The following ADGRE1 variants were observed in gnomAD, a reference collection of about 807,000 sequenced individuals.
The protein encoded by ADGRE1 is EGF-like module receptor 1.
Under a neutral mutation model 102.7 loss-of-function variants are expected in ADGRE1, and 82 were observed. The observed-to-expected ratio is 0.80, with a 90% CI of 0.67 to 0.96. The LOEUF is 0.96. ADGRE1 is among the 40% of genes least tolerant of loss of function. The probability of loss-of-function intolerance (pLI) is 0.00; values close to 1 mark genes in which losing one functional copy is unlikely to be tolerated. For missense variants in ADGRE1, 1,032 were observed against 1,085.3 expected, an observed-to-expected ratio of 0.95 and a Z score of 0.69; for synonymous variants, 398 against 399.6, an observed-to-expected ratio of 1.00 and a Z score of 0.05.
At chr19:6,938,606 C>T (rs1975536327) in intron 20 of ADGRE1, among the ~76,000 whole-genome samples, 1 of 150,918 alleles carries the variant, frequency 6.6e-6, no homozygotes, top group African/African-American at 2.4e-5. Flanking sequence ...GCTTAGTTTC[C>T]TCACTGATAA....
At chr19:6,913,615 G>T in intron 10 of ADGRE1, 38 bp from the exon 11 acceptor site, 1 of 1,520,014 alleles carries the variant, frequency 6.6e-7, no homozygotes, top group Middle Eastern at 1.8e-4. Flanking sequence ...ATTAATGAGA[G>T]AGAGAGAGAG....
At chr19:6,893,891 G>A (rs76508575) in intron 2 of ADGRE1, among the ~76,000 whole-genome samples, 2,373 of 152,270 alleles carry the variant, frequency 0.016, 68 homozygotes, top group African/African-American at 0.053. Context: ...GATGCTGTAC[G>A]GAAGAACTAT....
At chr19:6,906,395 G>A (rs911962263) in intron 8 of ADGRE1, 38 bp from the exon 9 acceptor site, 6 of 1,560,882 alleles carry the variant, frequency 3.8e-6, no homozygotes, top group Admixed American at 3.5e-5. Context: ...TTTTGCTGAG[G>A]TTGAAGTTTG....
chr19:6,912,303 G>A (rs1974236326), intron 10 of ADGRE1, among the ~76,000 whole-genome samples: 1 of 152,126 alleles, frequency 6.6e-6, no homozygotes, highest in Non-Finnish European at 1.5e-5. Flanking sequence ...GTTTAGGACA[G>A]TGATTAATGA....
At chr19:6,934,886 C>T (rs1975328402) in intron 17 of ADGRE1, 101 bp from the exon 18 acceptor site, 9 of 669,558 alleles carry the variant, frequency 1.3e-5, no homozygotes, top group Admixed American at 6.3e-5. Context: ...GGATTACAGA[C>T]GTGAGCCACC....
rs1370247802 is a variant in ADGRE1, at chr19:6,901,992, G to GT, written c.635dup (p.Gln213ProfsTer8). On this transcript the variant is annotated frameshift_variant, in exon 6 of 21. Coordinates refer to ENST00000312053, the MANE Select transcript of ADGRE1 (RefSeq NM_001974.5). LOFTEE classifies it high-confidence loss of function. ...TTTGAATCCAGCAGTGGCCACTTGAGTTTCCAGGGTCTCAAAGCATCGTGT... is the reference window on the plus strand; with the variant it reads ...TTTGAATCCAGCAGTGGCCACTTGAGTTTTCCAGGGTCTCAAAGCATCGTGT... 1 of 1,614,078 alleles carries GT rather than the reference G, an allele frequency of 6.2e-7. No homozygotes were observed. Among genetic ancestry groups the GT allele is most frequent in the Non-Finnish European group, 8.5e-7 (1 of 1,180,042 alleles).
chr19:6,916,110 A>G, intron 11 of ADGRE1, 139 bp from the exon 12 acceptor site: 1 of 883,786 alleles, frequency 1.1e-6, no homozygotes, highest in Non-Finnish European at 1.7e-6. Context: ...GGGCCTCAAG[A>G]TCTTTCCTAT....
rs1244821445 is a variant in ADGRE1, at chr19:6,940,324, A to G, written c.*295A>G. ...ATGGCATGACCAAGAACACCTGGCT[A>G]CCATTTTGTTTTCTCCTGCCCTTGT... is the stretch of plus-strand genomic sequence containing the variant. On this transcript the variant is annotated 3_prime_UTR_variant, in exon 21 of 21. Transcript: ENST00000312053. The G allele has an allele frequency of 7.8e-6, 4 of 513,746 alleles. No individual in the cohort carries two copies. Among genetic ancestry groups the G allele is most frequent in the Non-Finnish European group, 1.4e-5 (4 of 285,810 alleles). The allele number at this position is 513,746 out of a possible 1,614,324, so 31.8% of individuals were successfully genotyped here.
rs1312625464 is a variant in ADGRE1 at position 6,924,867 on chromosome 19, A to G, written c.1981A>G (p.Asn661Asp). The part of the protein sequence containing the change: ...LFLAGIHKTD[N>D]KMGCAIIAGF... ...CCTCGCCGGTATACACAAGACTGAC[A>G]ACAAGGTCTACATCGCTCGGGCTGT... Residue 661 changes from asparagine (N) to aspartate (D), a missense_variant, in exon 15 of 21, where the codon AAC (asparagine) becomes GAC (aspartate). Asn to Asp is a conservative substitution (Grantham distance 23). Coordinates refer to ENST00000312053, the MANE Select transcript of ADGRE1 (RefSeq NM_001974.5). 3.1e-6 allele frequency: 5 copies of G among 1,614,028 alleles called. No individual in the cohort carries two copies. Among genetic ancestry groups the G allele is most frequent in the Non-Finnish European group, 4.2e-6 (5 of 1,179,990 alleles).
intron 4 of ADGRE1, 45 bp downstream of exon 4, chr19:6,897,349 A>G (rs748544247): frequency 1.1e-5 from 18 of 1,611,702 alleles, no homozygotes; most frequent in Admixed American, 5.0e-5. Flanking sequence ...GTGGATATCT[A>G]TCAGTGGGGT....
At chr19:6,918,469 G>C (rs1251755867) in intron 12 of ADGRE1, among the ~76,000 whole-genome samples, 1 of 151,922 alleles carries the variant, frequency 6.6e-6, no homozygotes, top group African/African-American at 2.4e-5. Context: ...GAGAGGAATT[G>C]CTCAATTTAT....
In ADGRE1 at chr19:6,897,318, G is replaced by T. The variant is rs572263712; in HGVS notation, c.394+14G>T. 5.0e-6 allele frequency: 8 copies of T among 1,613,856 alleles called. No individual in the cohort carries two copies. In the African/African-American group the frequency reaches 6.7e-5, roughly 13 times the overall value. ...TCTCCTGTACTGGTAATGCTCTCAGGTTCCCAGGGATGGGTCTTGGGTGGA... is the reference window on the plus strand; with the variant it reads ...TCTCCTGTACTGGTAATGCTCTCAGTTTCCCAGGGATGGGTCTTGGGTGGA... On this transcript the variant is annotated intron_variant, in intron 4 of 20. Coordinates refer to ENST00000312053, the MANE Select transcript of ADGRE1 (RefSeq NM_001974.5).
chr19:6,890,513 A>T lies in ADGRE1; in HGVS notation c.64A>T (p.Ile22Leu), dbSNP rs141853820. The change falls in exon 2 of 21, where the codon ATA becomes TTA. Residue 22 changes from isoleucine (I) to leucine (L), a missense_variant. Physicochemically the swap from Ile to Leu is conservative, Grantham distance 5. Transcript: ENST00000312053. The stretch of plus-strand genomic sequence containing the variant: ...TGTTATGCACAGCTGGGAAGGGCAC[A>T]TAAGACCCACACGGAAACCAAACAC... ...CCVMHSWEGH[I>L]RPTRKPNTKG... The T allele has an allele frequency of 6.2e-7, 1 of 1,609,700 alleles. No individual in the cohort carries two copies. The highest frequency in any genetic ancestry group is 8.5e-7 in the Non-Finnish European group (1 of 1,179,344).
chr19:6,937,660 C>T lies in ADGRE1; in HGVS notation c.2655+12C>T. ...CCGCTTCCAAGACGGTGAGAGACTGCATGCTCCCTGCAGGTGCTGGTCGAG... is the reference window on the plus strand; with the variant it reads ...CCGCTTCCAAGACGGTGAGAGACTGTATGCTCCCTGCAGGTGCTGGTCGAG... On this transcript the variant is annotated intron_variant, in intron 20 of 20. Transcript: ENST00000312053. 1 of 1,612,700 alleles carries T rather than the reference C, an allele frequency of 6.2e-7. No homozygotes were observed. Among genetic ancestry groups the T allele is most frequent in the Non-Finnish European group, 8.5e-7 (1 of 1,178,902 alleles).
intron 13 of ADGRE1, 77 bp downstream of exon 13, chr19:6,919,824 T>C: frequency 2.8e-6 from 4 of 1,428,308 alleles, no homozygotes; most frequent in South Asian, 1.2e-5. Context: ...TTAACTCTCA[T>C]TTTTTACGGG....
intron 10 of ADGRE1, among the ~76,000 whole-genome samples, chr19:6,912,996 G>A (rs957711773): frequency 3.9e-5 from 6 of 152,118 alleles, no homozygotes; most frequent in African/African-American, 1.2e-4. Flanking sequence ...GTGCAGTGGA[G>A]TGATCATAGC....
chr19:6,920,911 C>T (rs1402909322), intron 13 of ADGRE1, among the ~76,000 whole-genome samples: 3 of 152,200 alleles, frequency 2.0e-5, no homozygotes, highest in African/African-American at 7.2e-5. Flanking sequence ...GCACTATGAT[C>T]TCTTTTTGGG....
intron 17 of ADGRE1, 65 bp downstream of exon 17, chr19:6,928,276 A>G (rs546865898): frequency 6.2e-7 from 1 of 1,613,096 alleles, no homozygotes; most frequent in African/African-American, 1.3e-5. Context: ...GACCTGCGAG[A>G]TCTGGAATTT....
intron 10 of ADGRE1, among the ~76,000 whole-genome samples, chr19:6,911,147 C>T (rs1272886589): frequency 6.6e-6 from 1 of 152,080 alleles, no homozygotes; most frequent in East Asian, 1.9e-4. Context: ...GAGTCCCACA[C>T]CCATGCCTTT....
Sources: gnomAD v4.1 joint callset for allele counts (sites outside exome capture counted in the v4.1 genomes callset) on GRCh38, gnomAD v4.1.1 for gene constraint, MANE v1.5 for transcripts, NCBI Gene and HGNC (gene_info 2026-07-23, HGNC 2026-07-21) for gene names.